Variants in SUGCT observed in about 807,000 individuals in gnomAD.
SUGCT encodes the protein succinyl-CoA:glutarate-CoA transferase, also known as succinyl-CoA:glutarate CoA-transferase.
Under a neutral mutation model 55.0 loss-of-function variants are expected in SUGCT, and 41 were observed. The ratio of observed to expected loss-of-function variants is 0.74; its 90% CI spans 0.58 to 0.97. The LOEUF is 0.97. Among genes scored for constraint, SUGCT ranks in the 50% least tolerant of loss-of-function variants. SUGCT has a pLI of 0.00. For missense variants in SUGCT, 568 were observed against 547.8 expected (o/e 1.04, Z -0.37); for synonymous variants, 187 against 200.4 (o/e 0.93, Z 0.56).
chr7:40,276,135 T>C (rs2151004404), intron 8 of SUGCT, among the ~76,000 whole-genome samples: 1 of 152,294 alleles, frequency 6.6e-6, no homozygotes, highest in East Asian at 1.9e-4. Flanking sequence ...TGAAATACTA[T>C]GTATGGGTTT....
intron 12 of SUGCT, among the ~76,000 whole-genome samples, chr7:40,591,309 A>G (rs1797706569): frequency 6.6e-6 from 1 of 152,226 alleles, no homozygotes; most frequent in Non-Finnish European, 1.5e-5. Flanking sequence ...TGGAAATAAC[A>G]GAGGATTAAA....
chr7:40,730,036 A>T (rs1023550088), intron 12 of SUGCT, among the ~76,000 whole-genome samples: 5 of 152,178 alleles, frequency 3.3e-5, no homozygotes, highest in Non-Finnish European at 7.3e-5. Context: ...GCTAATACAG[A>T]GGGTCCAGGG....
chr7:40,841,783 C>T (rs1314203648), intron 13 of SUGCT, among the ~76,000 whole-genome samples: 1 of 152,170 alleles, frequency 6.6e-6, no homozygotes, highest in Non-Finnish European at 1.5e-5. Flanking sequence ...ATTTCATAGA[C>T]AATGGCCATC....
At chr7:40,763,186 A>T (rs1398375643) in intron 13 of SUGCT, among the ~76,000 whole-genome samples, 1 of 152,174 alleles carries the variant, frequency 6.6e-6, no homozygotes, top group Non-Finnish European at 1.5e-5. Context: ...AGCCACAATA[A>T]GGCTAGTTGT....
intron 7 of SUGCT, among the ~76,000 whole-genome samples, chr7:40,250,677 A>G (rs924851812): frequency 6.6e-6 from 1 of 152,086 alleles, no homozygotes; most frequent in Admixed American, 6.6e-5. Flanking sequence ...ATTGAATTTA[A>G]CAGAAGAACA....
chr7:40,600,217 A>G (rs910945622), intron 12 of SUGCT, among the ~76,000 whole-genome samples: 4 of 152,170 alleles, frequency 2.6e-5, no homozygotes, highest in African/African-American at 7.2e-5. Context: ...ATTTCCAACA[A>G]CAGAGTTCCT....
chr7:40,721,389 A>G (rs1033760623), intron 12 of SUGCT, among the ~76,000 whole-genome samples: 2 of 152,178 alleles, frequency 1.3e-5, no homozygotes, highest in Non-Finnish European at 2.9e-5. Flanking sequence ...GTTATATTTA[A>G]GCCTTTTGAA....
the SUGCT span, among the ~76,000 whole-genome samples, chr7:41,025,058 A>G: frequency 1.3e-5 from 2 of 152,224 alleles, no homozygotes; most frequent in Non-Finnish European, 2.9e-5. Flanking sequence ...TTACAAATGC[A>G]TTATATAATT....
chr7:40,643,429 C>T (rs1800356035), intron 12 of SUGCT, among the ~76,000 whole-genome samples: 1 of 152,134 alleles, frequency 6.6e-6, no homozygotes, highest in South Asian at 2.1e-4. Flanking sequence ...GTGTGAAGTG[C>T]CGGGTTCCTC....
intron 9 of SUGCT, among the ~76,000 whole-genome samples, chr7:40,324,123 A>C (rs780154195): frequency 1.4e-4 from 21 of 151,744 alleles, no homozygotes; most frequent in Non-Finnish European, 2.9e-4. Flanking sequence ...CCTTCCTGTC[A>C]CAAGAGAGGA....
the SUGCT span, among the ~76,000 whole-genome samples, chr7:41,037,055 C>T: frequency 6.6e-6 from 1 of 152,130 alleles, no homozygotes; most frequent in Admixed American, 6.5e-5. Flanking sequence ...TCATAATTAC[C>T]TCACTTATAA....
At chr7:40,544,475 G>A (rs1011829615) in intron 12 of SUGCT, among the ~76,000 whole-genome samples, 5 of 152,166 alleles carry the variant, frequency 3.3e-5, no homozygotes, top group East Asian at 1.9e-4. Context: ...TTATCATGCC[G>A]AAGCTGACGG....
At chr7:40,449,498 CAGAGTCCAAATTAGCATT>C in intron 10 of SUGCT, 140 bp downstream of exon 10, 2 of 638,856 alleles carry the variant, frequency 3.1e-6, no homozygotes, top group South Asian at 1.9e-5. Context: ...AAGGATAAGG[CAGAGTCCAAATTAGCATT>C]CTGTGTTTTT....
At chr7:40,729,191 C>G (rs144909428) in intron 12 of SUGCT, among the ~76,000 whole-genome samples, 2 of 152,146 alleles carry the variant, frequency 1.3e-5, no homozygotes, top group Non-Finnish European at 2.9e-5. Context: ...GTGCTTGCTG[C>G]GTGCCAAGTA....
chr7:40,194,980 C>T lies in SUGCT; in HGVS notation c.404C>T (p.Pro135Leu). The T allele has an allele frequency of 6.2e-7, 1 of 1,613,808 alleles. No individual in the cohort carries two copies. Among genetic ancestry groups the T allele is most frequent in the Non-Finnish European group, 8.5e-7 (1 of 1,179,802 alleles). ...GATGTGTTTGTGGAAAACTATGTCC[C>T]TGGCAAACTGTCTGCAATGGGCCTG... Reference protein sequence around the residue: ...VCDVFVENYVPGKLSAMGLGY... With the variant: ...VCDVFVENYVLGKLSAMGLGY... Residue 135 changes from proline to leucine, a missense_variant, in exon 6 of 14, where the codon CCT (proline) becomes CTT (leucine). By Grantham distance (98) the Pro-to-Leu change is moderately conservative. Coordinates refer to ENST00000335693, the MANE Select transcript of SUGCT (RefSeq NM_001193313.2).
intron 12 of SUGCT, among the ~76,000 whole-genome samples, chr7:40,709,993 A>G (rs1785627143): frequency 6.6e-6 from 1 of 152,206 alleles, no homozygotes; most frequent in Non-Finnish European, 1.5e-5. Context: ...TTCTCAGACA[A>G]AAGAAACACA....
At chr7:40,526,630 G>C (rs1793813947) in intron 12 of SUGCT, among the ~76,000 whole-genome samples, 1 of 152,064 alleles carries the variant, frequency 6.6e-6, no homozygotes, top group Non-Finnish European at 1.5e-5. Context: ...GGGATTGGTT[G>C]GGGGAAAATT....
intron 6 of SUGCT, among the ~76,000 whole-genome samples, chr7:40,232,023 C>A (rs1008336345): frequency 3.9e-5 from 6 of 152,096 alleles, no homozygotes; most frequent in African/African-American, 7.2e-5. Flanking sequence ...ATTGCTTCAA[C>A]CCAGGAGTTT....
chr7:40,616,641 A>G (rs1320709122), intron 12 of SUGCT, among the ~76,000 whole-genome samples: 1 of 152,238 alleles, frequency 6.6e-6, no homozygotes, highest in African/African-American at 2.4e-5. Flanking sequence ...CTTGAAGTGC[A>G]TGGTGGATTG....
Sources: gnomAD v4.1 joint callset for allele counts (sites outside exome capture counted in the v4.1 genomes callset) on GRCh38, gnomAD v4.1.1 for gene constraint, MANE v1.5 for transcripts, NCBI Gene and HGNC (gene_info 2026-07-23, HGNC 2026-07-21) for gene names.